EVI5: variants seen among roughly 807,000 people sequenced by gnomAD.
EVI5 encodes the protein ecotropic viral integration site 5 protein homolog.
In EVI5, 73 loss-of-function variants were observed where a neutral mutation model predicts 112.0. The observed-to-expected ratio is 0.65, with a 90% confidence interval of 0.54 to 0.79. The LOEUF (loss-of-function observed/expected upper bound fraction) is 0.79. Among genes scored for constraint, EVI5 ranks in the 30% least tolerant of loss-of-function variants. The pLI is 0.00. For synonymous variants in EVI5, 305 were observed against 319.9 expected (o/e 0.95, Z 0.50); for missense variants, 900 against 968.8 (o/e 0.93, Z 0.94).
chr1:92,543,607 A>G (rs1382443975), intron 19 of EVI5, among the ~76,000 whole-genome samples: 1 of 152,194 alleles, frequency 6.6e-6, no homozygotes, highest in African/African-American at 2.4e-5. Context: ...CAACAGACCT[A>G]GCTTTCAGGC....
chr1:92,523,156 G>C (rs944797706), intron 19 of EVI5, among the ~76,000 whole-genome samples: 2 of 152,124 alleles, frequency 1.3e-5, no homozygotes, highest in African/African-American at 4.8e-5. Flanking sequence ...CTCCCAGAGT[G>C]CTGAAATTAT....
chr1:92,612,780 G>A (rs1465751726), intron 16 of EVI5, among the ~76,000 whole-genome samples: 4 of 148,890 alleles, frequency 2.7e-5, no homozygotes, highest in Non-Finnish European at 4.4e-5. Flanking sequence ...CCTTCCAGGA[G>A]AGATGCAATG....
intron 13 of EVI5, among the ~76,000 whole-genome samples, chr1:92,657,827 T>C (rs1370465527): frequency 6.6e-6 from 1 of 152,166 alleles, no homozygotes; most frequent in Non-Finnish European, 1.5e-5. Flanking sequence ...CTTTTACTCA[T>C]TGAGGAAGGC....
At chr1:92,662,021 T>C (rs890591178) in intron 13 of EVI5, among the ~76,000 whole-genome samples, 2 of 151,768 alleles carry the variant, frequency 1.3e-5, no homozygotes, top group African/African-American at 4.9e-5. Context: ...AATTTGCCAA[T>C]GGAAAATGTC....
intron 19 of EVI5, among the ~76,000 whole-genome samples, chr1:92,527,345 G>C (rs1035173909): frequency 6.6e-6 from 1 of 150,844 alleles, no homozygotes; most frequent in Non-Finnish European, 1.5e-5. Flanking sequence ...AACCTGGGAG[G>C]TGGAGGTTGC....
intron 1 of EVI5, among the ~76,000 whole-genome samples, chr1:92,738,769 C>T (rs1408086153): frequency 1.3e-5 from 2 of 152,134 alleles, no homozygotes; most frequent in Non-Finnish European, 2.9e-5. Flanking sequence ...AGAAATCCCA[C>T]AGGGCTAAAT....
At chr1:92,670,142 T>A (rs1665614728) in intron 10 of EVI5, among the ~76,000 whole-genome samples, 1 of 152,208 alleles carries the variant, frequency 6.6e-6, no homozygotes, top group South Asian at 2.1e-4. Context: ...AACTTATTAA[T>A]TCTACTTTTT....
rs374671252 is a variant in EVI5, at chr1:92,529,079, TC to T, written c.2167-15110del. 1.1e-4 allele frequency among the ~76,000 whole-genome samples: 16 copies of T among 152,338 alleles called. No individual in the cohort carries two copies. The East Asian group carries it at 3.1e-3, about 29-fold the overall frequency. ...ATGACCAGTAAGTTATGTATTTAGA[TC>T]CCACTGTTTTTGCCCATTACAAAAT... On this transcript the variant is annotated intron_variant, in intron 19 of 19. Coordinates refer to ENST00000684568, the MANE Select transcript of EVI5 (RefSeq NM_001350197.2).
chr1:92,645,636 G>A (rs1046367741), intron 13 of EVI5, among the ~76,000 whole-genome samples: 7 of 152,102 alleles, frequency 4.6e-5, no homozygotes, highest in Admixed American at 4.6e-4. Context: ...AGAACCTTAT[G>A]TCTGCTCTAC....
intron 18 of EVI5, among the ~76,000 whole-genome samples, chr1:92,576,597 A>G (rs1221476597): frequency 1.3e-5 from 2 of 152,232 alleles, no homozygotes; most frequent in Non-Finnish European, 2.9e-5. Context: ...AAGTAACTGA[A>G]TAATTTTTAG....
chr1:92,547,106 C>T (rs1284564678), intron 19 of EVI5, among the ~76,000 whole-genome samples: 5 of 152,196 alleles, frequency 3.3e-5, no homozygotes, highest in Non-Finnish European at 5.9e-5. Flanking sequence ...AACTAAAGCA[C>T]TCCTCAGCAA....
At chr1:92,747,008 TTA>T (rs1679357073) in intron 1 of EVI5, among the ~76,000 whole-genome samples, 1 of 152,214 alleles carries the variant, frequency 6.6e-6, no homozygotes, top group African/African-American at 2.4e-5. Context: ...AGAATAATTT[TTA>T]TGACACATTT....
intron 9 of EVI5, 58 bp from the exon 10 acceptor site, chr1:92,677,276 A>T (rs1558050577): frequency 1.1e-6 from 1 of 927,780 alleles, no homozygotes; most frequent in East Asian, 2.6e-5. Context: ...GTAGTTATTA[A>T]ATTACAAAAT....
intron 2 of EVI5, chr1:92,733,401 A>C (rs1366760375): frequency 8.8e-6 from 1 of 113,316 alleles, no homozygotes; most frequent in Non-Finnish European, 1.7e-5. Context: ...ATTTTACATT[A>C]TCATCTTTTT....
chr1:92,766,720 A>G (rs556201805), intron 1 of EVI5, among the ~76,000 whole-genome samples: 19 of 152,334 alleles, frequency 1.2e-4, no homozygotes, highest in Non-Finnish European at 2.4e-4. Context: ...TTCACTCTCC[A>G]TGGTTTCAGC....
intron 14 of EVI5, among the ~76,000 whole-genome samples, chr1:92,626,708 ATACTAATC>A (rs1655753862): frequency 6.6e-6 from 1 of 152,232 alleles, no homozygotes. Context: ...TGTTAATAAA[ATACTAATC>A]AGAGTTACGG....
intron 2 of EVI5, among the ~76,000 whole-genome samples, chr1:92,714,915 G>A (rs768721661): frequency 1.3e-5 from 2 of 152,058 alleles, no homozygotes; most frequent in Non-Finnish European, 2.9e-5. Context: ...AAGTCAGAGA[G>A]ATGTTTTTCC....
intron 1 of EVI5, among the ~76,000 whole-genome samples, chr1:92,746,381 T>C (rs1679249021): frequency 6.6e-6 from 1 of 152,202 alleles, no homozygotes; most frequent in Admixed American, 6.6e-5. Flanking sequence ...AATGAAGGTA[T>C]CTCCTATTCA....
At chr1:92,677,313 C>A in intron 9 of EVI5, 95 bp from the exon 10 acceptor site, 1 of 625,488 alleles carries the variant, frequency 1.6e-6, no homozygotes, top group Non-Finnish European at 2.6e-6. Context: ...ACATAAAATA[C>A]AATTTCTTTA....
Sources: gnomAD v4.1 joint callset for allele counts (sites outside exome capture counted in the v4.1 genomes callset) on GRCh38, gnomAD v4.1.1 for gene constraint, MANE v1.5 for transcripts, NCBI Gene and HGNC (gene_info 2026-07-23, HGNC 2026-07-21) for gene names.